Variants in TAFA2 observed in about 807,000 individuals in gnomAD.
The protein encoded by TAFA2 is chemokine-like protein TAFA-2.
Under a neutral mutation model 18.8 loss-of-function variants are expected in TAFA2, and 7 were observed. The ratio of observed to expected loss-of-function variants is 0.37; its 90% CI spans 0.21 to 0.70. The LOEUF (loss-of-function observed/expected upper bound fraction) is 0.70. Among genes scored for constraint, TAFA2 ranks in the 30% least tolerant of loss-of-function variants. The probability of loss-of-function intolerance (pLI) is 0.53; values close to 1 mark genes in which losing one functional copy is unlikely to be tolerated. For missense variants in TAFA2, 122 were observed against 158.1 expected (o/e 0.77, Z 1.23); for synonymous variants, 60 against 54.2 (o/e 1.11, Z -0.47).
chr12:62,163,845 C>A (rs551352478), intron 1 of TAFA2, among the ~76,000 whole-genome samples: 10 of 152,160 alleles, frequency 6.6e-5, no homozygotes, highest in African/African-American at 2.2e-4. Flanking sequence ...TCAGCAATAA[C>A]CATCTGTATT....
Position 61,950,671 on chromosome 12 carries a change from A to C in TAFA2, c.-1-83245T>G, listed in dbSNP as rs117246285. The stretch of plus-strand genomic sequence containing the variant: ...CATGTATTTTGGATATTAAACCCTT[A>C]TCAGATATATAATTTGTTCTGGTTT... On this transcript the variant is annotated intron_variant, in intron 1 of 4. Coordinates refer to ENST00000416284, the MANE Select transcript of TAFA2 (RefSeq NM_178539.5). Among the ~76,000 whole-genome samples the C allele has an allele frequency of 2.4e-3, 368 of 152,218 alleles. 13 individuals are homozygous for C. The East Asian group carries it at 0.06, about 25-fold the overall frequency.
chr12:61,948,669 A>G (rs1302757628), intron 1 of TAFA2, among the ~76,000 whole-genome samples: 2 of 152,224 alleles, frequency 1.3e-5, no homozygotes, highest in Non-Finnish European at 2.9e-5. Flanking sequence ...CTTAAAGAAA[A>G]GAGAATGTAT....
At chr12:61,990,337 A>ATTTTTTTTTTTTT (rs71083969) in intron 1 of TAFA2, among the ~76,000 whole-genome samples, 2 of 108,228 alleles carry the variant, frequency 1.8e-5, no homozygotes, top group Non-Finnish European at 3.4e-5. Flanking sequence ...CACTGTGCCA[A>ATTTTTTTTTTTTT]TTTTTTTTTT....
chr12:61,710,256 A>G lies in TAFA2; in HGVS notation c.*150T>C. On this transcript the variant is annotated 3_prime_UTR_variant, in exon 5 of 5. Transcript: ENST00000416284. Reference sequence around the variant, plus strand: ...TGACTTTTAAAAAGTCTTGATTTCAAGAAGAGGCCATGAAATCCCTTGGAA... The same window carrying G: ...TGACTTTTAAAAAGTCTTGATTTCAGGAAGAGGCCATGAAATCCCTTGGAA... 1.5e-6 allele frequency: 1 copy of G among 669,088 alleles called. No homozygotes were observed. The highest frequency in any genetic ancestry group is 2.0e-5 in the South Asian group (1 of 51,222). 41.4% of individuals were successfully genotyped at this position (669,088 alleles called of 1,614,324 possible).
chr12:61,889,048 GA>G (rs1272080694), intron 1 of TAFA2, among the ~76,000 whole-genome samples: 1 of 152,098 alleles, frequency 6.6e-6, no homozygotes, highest in Non-Finnish European at 1.5e-5. Flanking sequence ...GTGAGCTTAG[GA>G]AAGTTACCAC....
intron 2 of TAFA2, among the ~76,000 whole-genome samples, chr12:61,859,772 T>C (rs73308250): frequency 0.028 from 4,287 of 152,166 alleles, 202 homozygotes; most frequent in African/African-American, 0.097. Flanking sequence ...TGTTCAAAAA[T>C]AAGAAGTTGG....
At chr12:62,222,541 T>A (rs2062767575) in intron 1 of TAFA2, among the ~76,000 whole-genome samples, 2 of 152,054 alleles carry the variant, frequency 1.3e-5, no homozygotes, top group Admixed American at 6.6e-5. Context: ...GGAGTCTTGC[T>A]CTGTCGCCCA....
intron 1 of TAFA2, among the ~76,000 whole-genome samples, chr12:62,007,515 A>G (rs189463825): frequency 1.3e-5 from 2 of 152,342 alleles, no homozygotes; most frequent in Admixed American, 1.3e-4. Flanking sequence ...TGATGAATGG[A>G]TAAGTAAATG....
At chr12:62,209,885 G>T (rs1361814053) in intron 1 of TAFA2, among the ~76,000 whole-genome samples, 2 of 152,134 alleles carry the variant, frequency 1.3e-5, no homozygotes, top group Non-Finnish European at 2.9e-5. Flanking sequence ...TAAGTAACTT[G>T]CCCAAGCAAT....
chr12:61,738,628 T>C (rs1204788109), intron 4 of TAFA2, among the ~76,000 whole-genome samples: 5 of 152,062 alleles, frequency 3.3e-5, no homozygotes, highest in Non-Finnish European at 7.4e-5. Flanking sequence ...ACCTTTACAA[T>C]TGTGTAGTCC....
chr12:61,964,155 A>C (rs1438088919), intron 1 of TAFA2, among the ~76,000 whole-genome samples: 1 of 152,066 alleles, frequency 6.6e-6, no homozygotes, highest in African/African-American at 2.4e-5. Context: ...CATTCAGGAC[A>C]TAGGCATGGG....
rs189327124 is a variant in TAFA2, at chr12:62,016,858, C to T, written c.-1-149432G>A. Among the ~76,000 whole-genome samples the T allele has an allele frequency of 9.7e-4, 148 of 152,242 alleles. 2 individuals carry two copies. Among genetic ancestry groups the T allele is most frequent in the Middle Eastern group, 3.4e-3 (1 of 294 alleles). On this transcript the variant is annotated intron_variant, in intron 1 of 4. Transcript: ENST00000416284. ...AGAAAAAGTCTCATCCTTTGCCCTTCGAGAGCTCATAATAGGAAGACTAAT... is the reference window on the plus strand; with the variant it reads ...AGAAAAAGTCTCATCCTTTGCCCTTTGAGAGCTCATAATAGGAAGACTAAT...
At chr12:62,189,647 T>G (rs80058917) in intron 1 of TAFA2, among the ~76,000 whole-genome samples, 2,946 of 152,262 alleles carry the variant, frequency 0.019, 89 homozygotes, top group African/African-American at 0.066. Flanking sequence ...TTTTAAAGCT[T>G]TAGAAGTGTT....
At chr12:62,081,426 A>G (rs1868321389) in intron 1 of TAFA2, among the ~76,000 whole-genome samples, 1 of 152,092 alleles carries the variant, frequency 6.6e-6, no homozygotes, top group Non-Finnish European at 1.5e-5. Context: ...TAGGTAAAGA[A>G]CCAAGAAGCA....
intron 1 of TAFA2, among the ~76,000 whole-genome samples, chr12:62,183,253 GTCTACA>G (rs1403005206): frequency 6.6e-6 from 1 of 152,222 alleles, no homozygotes; most frequent in African/African-American, 2.4e-5. Context: ...GATGGTGGGT[GTCTACA>G]AGCCAGGAAG....
chr12:62,035,414 C>T (rs1204528823), intron 1 of TAFA2, among the ~76,000 whole-genome samples: 1 of 152,126 alleles, frequency 6.6e-6, no homozygotes, highest in Non-Finnish European at 1.5e-5. Context: ...AGCAATCTAA[C>T]CCAGTGGGAG....
intron 1 of TAFA2, among the ~76,000 whole-genome samples, chr12:61,867,999 A>G (rs1255826808): frequency 6.6e-6 from 1 of 152,154 alleles, no homozygotes; most frequent in Non-Finnish European, 1.5e-5. Context: ...GTGACACAAT[A>G]TTGTTGGACT....
At chr12:62,253,638 CAT>C (rs1249489554) in intron 1 of TAFA2, 2 of 152,184 alleles carry the variant, frequency 1.3e-5, no homozygotes, top group Non-Finnish European at 2.9e-5. Flanking sequence ...GCCATTCTTC[CAT>C]AGTCACATCA....
chr12:61,752,204 T>G (rs1330286193), intron 4 of TAFA2, among the ~76,000 whole-genome samples: 3 of 152,012 alleles, frequency 2.0e-5, no homozygotes, highest in Admixed American at 1.3e-4. Context: ...TTAAGTGAGC[T>G]AACTCATGTA....
Sources: gnomAD v4.1 joint callset for allele counts (sites outside exome capture counted in the v4.1 genomes callset) on GRCh38, gnomAD v4.1.1 for gene constraint, MANE v1.5 for transcripts, NCBI Gene and HGNC (gene_info 2026-07-23, HGNC 2026-07-21) for gene names.